IL1RAPL1: variants seen among roughly 807,000 people sequenced by gnomAD.
The protein encoded by IL1RAPL1 is interleukin 1 receptor accessory protein like 1.
In IL1RAPL1, 3 loss-of-function variants were observed where a neutral mutation model predicts 48.4. The ratio of observed to expected loss-of-function variants is 0.06; its 90% CI spans 0.03 to 0.16. The LOEUF (loss-of-function observed/expected upper bound fraction) is 0.16, where lower values mean the gene tolerates loss of function less well. Among genes scored for constraint, IL1RAPL1 ranks in the 10% least tolerant of loss-of-function variants. The probability of loss-of-function intolerance (pLI) is 1.00; values close to 1 mark genes in which losing one functional copy is unlikely to be tolerated. For synonymous variants in IL1RAPL1, 185 were observed against 187.7 expected (o/e 0.99, Z 0.12); for missense variants, 349 against 530.6 (o/e 0.66, Z 3.36).
Position 29,025,564 on chromosome X carries a change from A to G in IL1RAPL1, c.82+236139A>G, listed in dbSNP as rs145999999. Among the ~76,000 whole-genome samples, 452 of 111,740 alleles carry G rather than the reference A, an allele frequency of 4.0e-3. 12 individuals carry two copies. The East Asian group carries it at 0.065, about 16-fold the overall frequency. Reference sequence around the variant, plus strand: ...GACATGCATTATTTAATCATTAAATACTTATTGGGTTCCTACTATATTCTA... The same window carrying G: ...GACATGCATTATTTAATCATTAAATGCTTATTGGGTTCCTACTATATTCTA... On this transcript the variant is annotated intron_variant, in intron 2 of 10. Coordinates refer to ENST00000378993, the MANE Select transcript of IL1RAPL1 (RefSeq NM_014271.4).
chrX:29,035,190 G>A (rs1224183590), intron 2 of IL1RAPL1, among the ~76,000 whole-genome samples: 1 of 111,109 alleles, frequency 9.0e-6, no homozygotes. Flanking sequence ...CTTGTGATCT[G>A]CCCGCCTCGG....
Position 28,695,427 on chromosome X carries a change from C to G in IL1RAPL1, c.-24-93893C>G, listed in dbSNP as rs1023986404. Among the ~76,000 whole-genome samples, 5 of 111,103 alleles carry G rather than the reference C, an allele frequency of 4.5e-5. No homozygotes were observed. In the East Asian group the frequency reaches 1.1e-3, roughly 25 times the overall value. Reference sequence around the variant, plus strand: ...TGCTGTATCACACTAAATTAACACCCCATAGATCCATTCTTAAATACAAAA... The same window carrying G: ...TGCTGTATCACACTAAATTAACACCGCATAGATCCATTCTTAAATACAAAA... On this transcript the variant is annotated intron_variant, in intron 1 of 10. Coordinates refer to ENST00000378993, the MANE Select transcript of IL1RAPL1 (RefSeq NM_014271.4).
At chrX:29,085,378 G>C (rs773156487) in intron 2 of IL1RAPL1, among the ~76,000 whole-genome samples, 210 of 111,085 alleles carry the variant, frequency 1.9e-3, no homozygotes, top group African/African-American at 6.6e-3. Context: ...GGAGGAAAAG[G>C]AGAGGAATGC....
intron 3 of IL1RAPL1, among the ~76,000 whole-genome samples, chrX:29,301,833 G>A (rs1434204826): frequency 2.7e-5 from 3 of 110,954 alleles, no homozygotes; most frequent in Non-Finnish European, 5.7e-5. Context: ...GAGACTCAGG[G>A]ATGGATACAC....
chrX:29,208,578 GTGGGCGCCTGTAGTCCCAGCTAC>G (rs1179603183), intron 2 of IL1RAPL1, among the ~76,000 whole-genome samples: 1 of 108,677 alleles, frequency 9.2e-6, no homozygotes, highest in Non-Finnish European at 1.9e-5. Context: ...GGGCGTGGTG[GTGGGCGCCTGTAGTCCCAGCTAC>G]TCTGGAGGCT....
intron 6 of IL1RAPL1, among the ~76,000 whole-genome samples, chrX:29,676,903 T>G (rs1324222113): frequency 1.8e-5 from 2 of 112,026 alleles, no homozygotes; most frequent in Non-Finnish European, 1.9e-5. Context: ...GATTGAAGTT[T>G]ACTAGCATAT....
chrX:29,353,732 A>G (rs1216681019), intron 3 of IL1RAPL1, among the ~76,000 whole-genome samples: 1 of 111,159 alleles, frequency 9.0e-6, no homozygotes, highest in African/African-American at 3.3e-5. Context: ...TTAATGTACT[A>G]CAAATGAAAG....
At chrX:28,956,489 CA>C (rs1219680613) in intron 2 of IL1RAPL1, among the ~76,000 whole-genome samples, 2 of 110,126 alleles carry the variant, frequency 1.8e-5, no homozygotes, top group Admixed American at 9.8e-5. Context: ...TGAATTTTGT[CA>C]AAGGCCTTTT....
chrX:28,715,637 A>G, intron 1 of IL1RAPL1, among the ~76,000 whole-genome samples: 1 of 111,755 alleles, frequency 8.9e-6, no homozygotes, highest in Non-Finnish European at 1.9e-5. Context: ...CCAGGAAGAA[A>G]TAGAATCCCT....
intron 3 of IL1RAPL1, among the ~76,000 whole-genome samples, chrX:29,362,324 AG>A (rs1933387809): frequency 8.9e-6 from 1 of 112,166 alleles, no homozygotes; most frequent in Non-Finnish European, 1.9e-5. Context: ...GTCCTGTAAT[AG>A]GTGCTCAATA....
intron 2 of IL1RAPL1, among the ~76,000 whole-genome samples, chrX:29,149,130 G>A (rs1929408695): frequency 9.0e-6 from 1 of 111,079 alleles, no homozygotes; most frequent in Non-Finnish European, 1.9e-5. Flanking sequence ...GATAATTGTA[G>A]TAGCCATTGG....
intron 5 of IL1RAPL1, among the ~76,000 whole-genome samples, chrX:29,627,085 G>A (rs1427936588): frequency 8.9e-6 from 1 of 112,073 alleles, no homozygotes; most frequent in Non-Finnish European, 1.9e-5. Context: ...TGTGAGCCAG[G>A]CAACAGTGAT....
At chrX:29,173,511 T>C (rs2147514655) in intron 2 of IL1RAPL1, among the ~76,000 whole-genome samples, 1 of 111,946 alleles carries the variant, frequency 8.9e-6, no homozygotes, top group South Asian at 3.7e-4. Context: ...AAGTAAAGTC[T>C]CATTTTGACT....
At chrX:29,780,514 C>G (rs1929314487) in intron 6 of IL1RAPL1, among the ~76,000 whole-genome samples, 1 of 111,323 alleles carries the variant, frequency 9.0e-6, no homozygotes. Context: ...CCTCAGCCTT[C>G]TATTTCCCTG....
chrX:29,779,044 C>A (rs1030966531), intron 6 of IL1RAPL1, among the ~76,000 whole-genome samples: 1 of 111,404 alleles, frequency 9.0e-6, no homozygotes, highest in African/African-American at 3.3e-5. Context: ...GATGCTGATG[C>A]TGCTGATATA....
intron 2 of IL1RAPL1, among the ~76,000 whole-genome samples, chrX:28,797,624 G>A (rs980727000): frequency 1.8e-5 from 2 of 111,472 alleles, no homozygotes; most frequent in Non-Finnish European, 3.8e-5. Flanking sequence ...GCCTCAGCCC[G>A]GACCTTATTG....
chrX:29,737,595 A>C (rs1928082285), intron 6 of IL1RAPL1, among the ~76,000 whole-genome samples: 1 of 112,342 alleles, frequency 8.9e-6, no homozygotes, highest in Admixed American at 9.4e-5. Flanking sequence ...AAAATTTTAC[A>C]CTTCTACTTT....
intron 2 of IL1RAPL1, among the ~76,000 whole-genome samples, chrX:29,230,504 C>CAAAAAAAAAAAA (rs60539139): frequency 0.13 from 2,235 of 16,615 alleles, 699 homozygotes; most frequent in Non-Finnish European, 0.18. Context: ...GTCCCTTTAC[C>CAAAAAAAAAAAA]AAAAAAAAAA....
chrX:29,275,915 G>A (rs1932112025), intron 2 of IL1RAPL1, among the ~76,000 whole-genome samples: 1 of 112,059 alleles, frequency 8.9e-6, no homozygotes, highest in Non-Finnish European at 1.9e-5. Flanking sequence ...TAGTCCATTT[G>A]GGATTGTTAT....
Sources: allele counts gnomAD v4.1 joint callset (sites outside exome capture counted in the v4.1 genomes callset), GRCh38; gene constraint gnomAD v4.1.1; transcripts MANE v1.5; gene names NCBI Gene and HGNC (gene_info 2026-07-23, HGNC 2026-07-21).